Variants in CCDC60 observed in about 807,000 individuals in gnomAD.
The protein encoded by CCDC60 is coiled-coil domain-containing protein 60.
In CCDC60, 54 loss-of-function variants were observed where a neutral mutation model predicts 63.5. The ratio of observed to expected loss-of-function variants is 0.85; its 90% CI spans 0.68 to 1.07. CCDC60 has a LOEUF of 1.07. Among genes scored for constraint, CCDC60 ranks in the 50% least tolerant of loss-of-function variants. The pLI, the probability that CCDC60 is intolerant of heterozygous loss-of-function variation, is 0.00. For missense variants in CCDC60, 651 were observed against 684.3 expected, an observed-to-expected ratio of 0.95 and a Z score of 0.54; for synonymous variants, 206 against 238.8, an observed-to-expected ratio of 0.86 and a Z score of 1.27.
At chr12:119,508,493 G>A (rs1396382766) in intron 7 of CCDC60, among the ~76,000 whole-genome samples, 1 of 151,994 alleles carries the variant, frequency 6.6e-6, no homozygotes, top group African/African-American at 2.4e-5. Flanking sequence ...AAAAAAAAAG[G>A]AAGTTGTAAC....
At chr12:119,512,057 G>A (rs570047431) in intron 7 of CCDC60, among the ~76,000 whole-genome samples, 2 of 152,302 alleles carry the variant, frequency 1.3e-5, no homozygotes, top group South Asian at 4.1e-4. Context: ...AGCCTAGATG[G>A]CTCCAAAGTC....
At chr12:119,509,261 G>A (rs747230919) in intron 7 of CCDC60, among the ~76,000 whole-genome samples, 38 of 152,118 alleles carry the variant, frequency 2.5e-4, no homozygotes, top group Non-Finnish European at 3.1e-4. Flanking sequence ...AAGTAGCTGT[G>A]ACTTTTAAAG....
rs1282278708 is a variant in CCDC60, at chr12:119,410,387, A to T, written c.91-18296A>T. Among the ~76,000 whole-genome samples the T allele has an allele frequency of 6.6e-6, 1 of 152,124 alleles. No homozygotes were observed. The highest frequency in any genetic ancestry group is 2.4e-5 in the African/African-American group (1 of 41,446). On this transcript the variant is annotated intron_variant, in intron 1 of 13. Coordinates refer to ENST00000327554, the MANE Select transcript of CCDC60 (RefSeq NM_178499.5). The surrounding 1 kb of genome is among the most constrained non-coding windows in gnomAD (Gnocchi z 4.0). ...ATTTGAAAATACTACTTGCTTTAAA[A>T]AAACTAAAGTAATAAAAAATGAAAT... is the stretch of plus-strand genomic sequence containing the variant.
chr12:119,448,541 G>A (rs533555417), intron 2 of CCDC60, among the ~76,000 whole-genome samples: 1 of 152,282 alleles, frequency 6.6e-6, no homozygotes, highest in Non-Finnish European at 1.5e-5. Flanking sequence ...TAACTATCAA[G>A]AGCATGATTT....
intron 1 of CCDC60, among the ~76,000 whole-genome samples, chr12:119,407,454 C>A (rs950428814): frequency 6.6e-6 from 1 of 152,144 alleles, no homozygotes; most frequent in Non-Finnish European, 1.5e-5. Flanking sequence ...ATCACTTGAG[C>A]CCGAGAGTTC....
At chr12:119,426,356 TG>T (rs140412711) in intron 1 of CCDC60, among the ~76,000 whole-genome samples, 86,444 of 142,216 alleles carry the variant, frequency 0.61, 24,964 homozygotes, top group East Asian at 0.77. Flanking sequence ...TATTTATTTT[TG>T]TTTTGTTTTG....
chr12:119,431,699 G>A (rs1950231667), intron 2 of CCDC60, among the ~76,000 whole-genome samples: 5 of 152,046 alleles, frequency 3.3e-5, no homozygotes, highest in Admixed American at 6.5e-5. Context: ...TTTGTTTTGA[G>A]ACAGAGTCTC....
chr12:119,507,607 TATATATA>T (rs1566050808), intron 7 of CCDC60, among the ~76,000 whole-genome samples: 6 of 33,756 alleles, frequency 1.8e-4, no homozygotes, highest in East Asian at 2.5e-3. Flanking sequence ...TATATATATA[TATATATA>T]TTTTTTTTTT....
intron 3 of CCDC60, among the ~76,000 whole-genome samples, chr12:119,478,120 C>A (rs1443581660): frequency 1.3e-5 from 2 of 152,054 alleles, no homozygotes; most frequent in Non-Finnish European, 1.5e-5. Flanking sequence ...TCAAGACCAG[C>A]CTGGCCAACA....
intron 7 of CCDC60, among the ~76,000 whole-genome samples, chr12:119,508,931 T>C (rs549246236): frequency 6.6e-6 from 1 of 152,246 alleles, no homozygotes; most frequent in African/African-American, 2.4e-5. Flanking sequence ...AGCTTGCCCA[T>C]GGTTCTCCTG....
rs376220751 is a variant in CCDC60 at position 119,472,083 on chromosome 12, A to C, written c.260A>C (p.Gln87Pro). The change falls in exon 3 of 14, where the codon CAG (glutamine) becomes CCG (proline). Residue 87 changes from glutamine to proline, a missense_variant. Transcript: ENST00000327554. Reference protein sequence around the residue: ...TAKKKKQQQLQKLKEEERNKF... With the variant: ...TAKKKKQQQLPKLKEEERNKF... Reference sequence around the variant, plus strand: ...AAGAAAAAGAAGCAACAACAACTTCAGAAACTGAAAGAGGAGGAAAGAAAT... The same window carrying C: ...AAGAAAAAGAAGCAACAACAACTTCCGAAACTGAAAGAGGAGGAAAGAAAT... The C allele has an allele frequency of 1.2e-6, 2 of 1,614,060 alleles. No homozygotes were observed. Among genetic ancestry groups the C allele is most frequent in the African/African-American group, 2.7e-5 (2 of 74,938 alleles).
chr12:119,505,716 C>T (rs959541894), intron 7 of CCDC60, among the ~76,000 whole-genome samples: 3 of 152,070 alleles, frequency 2.0e-5, no homozygotes, highest in African/African-American at 4.8e-5. Context: ...ATCAGCTGGG[C>T]GTGATGGCAC....
At chr12:119,519,664 T>C (rs1566058934) in intron 8 of CCDC60, among the ~76,000 whole-genome samples, 1 of 151,916 alleles carries the variant, frequency 6.6e-6, no homozygotes, top group South Asian at 2.1e-4. Flanking sequence ...GGTTTTGCAA[T>C]GTTGGCCAGG....
chr12:119,531,949 C>T (rs540753916), intron 13 of CCDC60, among the ~76,000 whole-genome samples: 8 of 152,306 alleles, frequency 5.3e-5, no homozygotes, highest in South Asian at 2.1e-4. Context: ...ACAGGGCCTT[C>T]AACGCCTCCC....
intron 6 of CCDC60, among the ~76,000 whole-genome samples, chr12:119,504,075 T>C (rs1951926598): frequency 6.6e-6 from 1 of 152,140 alleles, no homozygotes; most frequent in Non-Finnish European, 1.5e-5. Flanking sequence ...TTAGATGTCA[T>C]AAAGAATCAT....
At chr12:119,382,229 G>C (rs1432146395) in intron 1 of CCDC60, among the ~76,000 whole-genome samples, 1 of 152,202 alleles carries the variant, frequency 6.6e-6, no homozygotes. Context: ...CTGCAAATGA[G>C]CTTCACAGCA....
At chr12:119,367,319 C>T (rs779819180) in intron 1 of CCDC60, among the ~76,000 whole-genome samples, 1 of 152,194 alleles carries the variant, frequency 6.6e-6, no homozygotes, top group African/African-American at 2.4e-5. Context: ...TAGTCCTACC[C>T]TCTGAAGTAA....
intron 4 of CCDC60, among the ~76,000 whole-genome samples, chr12:119,483,322 G>T (rs1347434050): frequency 2.0e-5 from 3 of 152,230 alleles, no homozygotes; most frequent in Non-Finnish European, 4.4e-5. Context: ...TCAGAGCCTG[G>T]TCAGTCCCTT....
intron 1 of CCDC60, among the ~76,000 whole-genome samples, chr12:119,350,680 G>A (rs770526953): frequency 3.3e-5 from 5 of 152,164 alleles, no homozygotes; most frequent in Non-Finnish European, 7.4e-5. Flanking sequence ...TTTGTTGGCT[G>A]AAGGTAATTT....
Sources: allele counts gnomAD v4.1 joint callset (sites outside exome capture counted in the v4.1 genomes callset), GRCh38; gene constraint gnomAD v4.1.1; non-coding constraint Gnocchi (gnomAD v3.1); transcripts MANE v1.5; gene names NCBI Gene and HGNC (gene_info 2026-07-23, HGNC 2026-07-21).